Variants in HNRNPA3 observed in about 807,000 individuals in gnomAD.
HNRNPA3 encodes the protein epididymis secretory sperm binding protein.
HNRNPA3 carries 3 observed loss-of-function variants against 45.8 expected under a neutral mutation model. The ratio of observed to expected loss-of-function variants is 0.07; its 90% CI spans 0.03 to 0.17. The LOEUF is 0.17. Among genes scored for constraint, HNRNPA3 ranks in the 10% least tolerant of loss-of-function variants. HNRNPA3 has a pLI of 1.00. For synonymous variants in HNRNPA3, 170 were observed against 155.6 expected (o/e 1.09, Z -0.69); for missense variants, 183 against 480.3 (o/e 0.38, Z 5.79).
At chr2:177,217,952 C>A (rs1220520708) in intron 8 of HNRNPA3, 107 bp downstream of exon 8, 1 of 1,114,810 alleles carries the variant, frequency 9.0e-7, no homozygotes. Context: ...ATTTTATGTT[C>A]TATAAGAAAA....
At chr2:177,218,042 T>C (rs1042043153) in intron 8 of HNRNPA3, among the ~76,000 whole-genome samples, 197 bp downstream of exon 8, 2 of 138,410 alleles carry the variant, frequency 1.4e-5, no homozygotes, top group Non-Finnish European at 3.0e-5. Context: ...TGTACTCAGC[T>C]CTCTTTTTTC....
At chr2:177,220,830 A>T (rs1326700358), downstream of HNRNPA3, 1 of 152,504 alleles carries the variant, frequency 6.6e-6, no homozygotes, top group Admixed American at 6.5e-5. Flanking sequence ...ATATATACAT[A>T]TATTAATATA....
intron 7 of HNRNPA3, 92 bp from the exon 8 acceptor site, chr2:177,217,613 C>A: frequency 6.6e-7 from 1 of 1,504,326 alleles, no homozygotes. Flanking sequence ...GGCAACAGAG[C>A]AAGACCCAGT....
chr2:177,216,479 T>C, intron 4 of HNRNPA3, 24 bp from the exon 5 acceptor site: 1 of 1,559,832 alleles, frequency 6.4e-7, no homozygotes, highest in Non-Finnish European at 8.8e-7. Context: ...ACTTTTTGTT[T>C]TGTTTGATTG....
At chr2:177,217,645 T>C in intron 7 of HNRNPA3, 60 bp from the exon 8 acceptor site, 2 of 1,599,812 alleles carry the variant, frequency 1.3e-6, no homozygotes, top group South Asian at 1.1e-5. Flanking sequence ...ACACCAGAAT[T>C]GAATAACGTG....
chr2:177,215,182 A>G (rs888224377), intron 1 of HNRNPA3, among the ~76,000 whole-genome samples: 4 of 151,998 alleles, frequency 2.6e-5, no homozygotes, highest in Non-Finnish European at 5.9e-5. Flanking sequence ...GGCTCACCGC[A>G]ACCTCCGCCT....
intron 8 of HNRNPA3, among the ~76,000 whole-genome samples, chr2:177,218,222 C>T (rs73031345): frequency 0.012 from 1,863 of 152,010 alleles, 37 homozygotes; most frequent in African/African-American, 0.042. Context: ...CCAGCACGCC[C>T]GGTTAATTTT....
chr2:177,221,681 C>T (rs1171611334), downstream of HNRNPA3: 2 of 152,596 alleles, frequency 1.3e-5, no homozygotes, highest in Non-Finnish European at 2.9e-5. Flanking sequence ...CAGTGTGGAT[C>T]ACAGAAACTC....
At chr2:177,220,998 T>C (rs1271834109), downstream of HNRNPA3, 2 of 152,578 alleles carry the variant, frequency 1.3e-5, no homozygotes, top group Non-Finnish European at 2.9e-5. Flanking sequence ...GGGAATGGGG[T>C]GTGCTAGTGT....
Position 177,217,685 on chromosome 2 carries a change from G to A in HNRNPA3, c.821-20G>A, listed in dbSNP as rs751154960. ...TACACTTAAGTTTTTGTGTGGTCTT[G>A]TTATTTGTTGTTTTTTTAGGTGGCA... On this transcript the variant is annotated intron_variant, in intron 7 of 10. Transcript: ENST00000392524. The A allele has an allele frequency of 6.2e-7, 1 of 1,612,104 alleles. No homozygotes were observed. The highest frequency in any genetic ancestry group is 1.3e-5 in the African/African-American group (1 of 74,974).
At chr2:177,212,815 C>T in exon 1 of HNRNPA3, 4 of 1,565,430 alleles carry the variant, frequency 2.6e-6, no homozygotes, top group East Asian at 2.5e-5. Flanking sequence ...GGTAAAACCG[C>T]CGCCCGGTCG....
chr2:177,214,830 G>C (rs889728074), intron 1 of HNRNPA3, among the ~76,000 whole-genome samples: 86 of 152,140 alleles, frequency 5.7e-4, no homozygotes, highest in Non-Finnish European at 2.1e-4. Context: ...AATGCATGTT[G>C]GGTTGTAGAC....
intron 4 of HNRNPA3, 129 bp downstream of exon 4, chr2:177,216,317 T>G: frequency 1.4e-6 from 1 of 724,344 alleles, no homozygotes; most frequent in Non-Finnish European, 2.3e-6. Context: ...ATTTTCATAG[T>G]GTCTGCCTGT....
intron 8 of HNRNPA3, among the ~76,000 whole-genome samples, chr2:177,218,753 C>T (rs768315088): frequency 3.3e-5 from 5 of 152,180 alleles, no homozygotes; most frequent in Non-Finnish European, 5.9e-5. Flanking sequence ...AATGCCTTCT[C>T]ATTGTTTTAA....
At chr2:177,219,345 TA>T (rs1190990742) in intron 10 of HNRNPA3, 31 bp downstream of exon 10, 1 of 1,478,742 alleles carries the variant, frequency 6.8e-7, no homozygotes, top group African/African-American at 1.4e-5. Flanking sequence ...ATTATGATGA[TA>T]AAAGAATATG....
chr2:177,213,728 A>G (rs1363234198), intron 1 of HNRNPA3, among the ~76,000 whole-genome samples: 1 of 152,234 alleles, frequency 6.6e-6, no homozygotes, highest in Non-Finnish European at 1.5e-5. Context: ...GAATTTGAGT[A>G]TAGTATGTTA....
chr2:177,215,907 A>T lies in HNRNPA3; in HGVS notation c.342+11A>T, dbSNP rs1273790891. 1 of 1,597,232 alleles carries T rather than the reference A, an allele frequency of 6.3e-7. No homozygotes were observed. The highest frequency in any genetic ancestry group is 1.8e-5 in the Admixed American group (1 of 55,190). On this transcript the variant is annotated intron_variant, in intron 3 of 10. Coordinates refer to ENST00000392524, the Ensembl canonical transcript of HNRNPA3. Reference sequence around the variant, plus strand: ...GCTGTTTCTAGAGAGGTATTTTAATAATACATTGTGTAATATGTGAAATTG... The same window carrying T: ...GCTGTTTCTAGAGAGGTATTTTAATTATACATTGTGTAATATGTGAAATTG...
At chr2:177,222,735 G>C (rs1160081853), downstream of HNRNPA3, 1 of 152,564 alleles carries the variant, frequency 6.6e-6, no homozygotes, top group Non-Finnish European at 1.5e-5. Context: ...AGGCTGCAGT[G>C]AGCTGACTGC....
intron 4 of HNRNPA3, 60 bp from the exon 5 acceptor site, chr2:177,216,443 A>G (rs1227041584): frequency 1.1e-5 from 14 of 1,236,858 alleles, no homozygotes; most frequent in Non-Finnish European, 1.6e-5. Context: ...GGTATCTCAT[A>G]TATGTGCTTT....
Sources: allele counts gnomAD v4.1 joint callset (sites outside exome capture counted in the v4.1 genomes callset), GRCh38; gene constraint gnomAD v4.1.1; transcripts MANE v1.5; gene names NCBI Gene and HGNC (gene_info 2026-07-23, HGNC 2026-07-21).